EPHA6: variants seen among roughly 807,000 people sequenced by gnomAD.
EPHA6 encodes EPH receptor A6.
A neutral mutation model predicts 112.0 loss-of-function variants in EPHA6; 50 were observed. The observed-to-expected ratio is 0.45, with a 90% confidence interval of 0.36 to 0.56. The LOEUF (loss-of-function observed/expected upper bound fraction) is 0.56, where lower values mean the gene tolerates loss of function less well. EPHA6 is among the 20% of genes least tolerant of loss of function. The pLI, the probability that EPHA6 is intolerant of heterozygous loss-of-function variation, is 0.00. For missense variants in EPHA6, 1,280 were observed against 1,417.4 expected, an observed-to-expected ratio of 0.90 and a Z score of 1.56; for synonymous variants, 529 against 490.7, an observed-to-expected ratio of 1.08 and a Z score of -1.03.
intron 2 of EPHA6, among the ~76,000 whole-genome samples, chr3:96,901,522 A>G (rs1259514870): frequency 1.3e-5 from 2 of 152,106 alleles, no homozygotes; most frequent in Non-Finnish European, 2.9e-5. Context: ...TTGAACTTCC[A>G]GAAAGGGACA....
chr3:97,330,059 A>G (rs1458459180), intron 5 of EPHA6, among the ~76,000 whole-genome samples: 1 of 152,108 alleles, frequency 6.6e-6, no homozygotes, highest in African/African-American at 2.4e-5. Context: ...TCCCAGCACC[A>G]TTTATTAAAT....
chr3:97,548,724 C>A (rs190315586), intron 11 of EPHA6, among the ~76,000 whole-genome samples: 1 of 152,142 alleles, frequency 6.6e-6, no homozygotes, highest in East Asian at 1.9e-4. Context: ...TTCCTTTGTA[C>A]GCAAGCACCC....
At chr3:96,907,994 T>A (rs1009682605) in intron 2 of EPHA6, among the ~76,000 whole-genome samples, 3 of 151,976 alleles carry the variant, frequency 2.0e-5, no homozygotes, top group African/African-American at 7.2e-5. Context: ...CTAGATGGTA[T>A]ACCTGGTACA....
Position 96,817,275 on chromosome 3 carries a change from C to A in EPHA6, c.385+2267C>A, listed in dbSNP as rs533173990. Reference sequence around the variant, plus strand: ...TTTTCCTGATAATAAGTTGAGATAACTTTCAAATATTGAAATCATCACACT... The same window carrying A: ...TTTTCCTGATAATAAGTTGAGATAAATTTCAAATATTGAAATCATCACACT... On this transcript the variant is annotated intron_variant, in intron 1 of 17. Coordinates refer to ENST00000389672, the MANE Select transcript of EPHA6 (RefSeq NM_001080448.3). Among the ~76,000 whole-genome samples the A allele has an allele frequency of 2.6e-5, 4 of 151,976 alleles. No homozygotes were observed. In the East Asian group the frequency reaches 7.7e-4, roughly 29 times the overall value.
intron 3 of EPHA6, among the ~76,000 whole-genome samples, chr3:97,102,790 C>CT (rs946977817): frequency 4.6e-4 from 70 of 150,772 alleles, no homozygotes; most frequent in East Asian, 5.9e-4. Context: ...CATCTGTTAT[C>CT]TTTTTTTTTG....
At chr3:97,695,951 A>G (rs1291946408) in intron 14 of EPHA6, among the ~76,000 whole-genome samples, 4 of 152,210 alleles carry the variant, frequency 2.6e-5, no homozygotes, top group Non-Finnish European at 4.4e-5. Flanking sequence ...ATATAAACTG[A>G]TCACTTTTCT....
At chr3:97,643,944 G>C (rs2107584736) in intron 14 of EPHA6, among the ~76,000 whole-genome samples, 1 of 151,004 alleles carries the variant, frequency 6.6e-6, no homozygotes, top group South Asian at 2.1e-4. Context: ...AGACCTAATA[G>C]ACATCTACAG....
intron 3 of EPHA6, among the ~76,000 whole-genome samples, chr3:97,084,014 C>T (rs2046807228): frequency 6.8e-6 from 1 of 148,004 alleles, no homozygotes; most frequent in South Asian, 2.2e-4. Flanking sequence ...CATGTCAAAC[C>T]CTTAAAATGC....
intron 3 of EPHA6, among the ~76,000 whole-genome samples, chr3:97,160,932 A>G (rs1239380151): frequency 6.6e-6 from 1 of 152,002 alleles, no homozygotes; most frequent in Non-Finnish European, 1.5e-5. Flanking sequence ...TTTTGTTTCA[A>G]CCAAATGTAG....
chr3:97,625,334 A>T (rs963186218), intron 13 of EPHA6, among the ~76,000 whole-genome samples: 2 of 151,724 alleles, frequency 1.3e-5, no homozygotes, highest in African/African-American at 2.4e-5. Flanking sequence ...GTTTATACAC[A>T]AATTTGTGGA....
chr3:97,062,270 A>G (rs1683245401), intron 3 of EPHA6, among the ~76,000 whole-genome samples: 2 of 152,198 alleles, frequency 1.3e-5, no homozygotes, highest in African/African-American at 4.8e-5. Flanking sequence ...GGAAATGTTT[A>G]TATAAAAATT....
intron 10 of EPHA6, among the ~76,000 whole-genome samples, chr3:97,509,277 G>A (rs1427742496): frequency 6.6e-6 from 1 of 151,974 alleles, no homozygotes; most frequent in Non-Finnish European, 1.5e-5. Flanking sequence ...TTTCTTCATA[G>A]TGTCAATGGT....
At chr3:97,014,056 T>C (rs1451847307) in intron 3 of EPHA6, among the ~76,000 whole-genome samples, 1 of 152,176 alleles carries the variant, frequency 6.6e-6, no homozygotes, top group African/African-American at 2.4e-5. Context: ...TATTTATTTA[T>C]ATTTGAACTT....
intron 5 of EPHA6, among the ~76,000 whole-genome samples, chr3:97,305,115 C>T (rs965187225): frequency 1.3e-5 from 2 of 151,940 alleles, no homozygotes; most frequent in African/African-American, 4.8e-5. Flanking sequence ...ATCTGGCCAA[C>T]AAACATCTGA....
chr3:97,002,233 G>A (rs1273845709), intron 3 of EPHA6, among the ~76,000 whole-genome samples: 2 of 151,482 alleles, frequency 1.3e-5, no homozygotes, highest in Non-Finnish European at 2.9e-5. Context: ...ATGACCAGGA[G>A]GACTTTCCTC....
chr3:97,448,649 T>C lies in EPHA6; in HGVS notation c.1813T>C (p.Tyr605His). Residue 605 changes from tyrosine to histidine, a missense_variant, in exon 7 of 18, where the codon TAT (tyrosine) becomes CAT (histidine). Around this residue, in one of 4 missense-constraint regions of EPHA6, gnomAD observed 878 missense variants for 999.7 expected, o/e 0.88. Coordinates refer to ENST00000389672, the MANE Select transcript of EPHA6 (RefSeq NM_001080448.3). ...IITGLKPATK[Y>H]VFHIRVRTAT... ...CACAGGTCTTAAGCCAGCCACCAAA[T>C]ATGTATTTCACATCCGAGTGAGAAC... 6.2e-7 allele frequency: 1 copy of C among 1,613,578 alleles called. No homozygotes were observed. Among genetic ancestry groups the C allele is most frequent in the Non-Finnish European group, 8.5e-7 (1 of 1,179,602 alleles).
Position 97,403,779 on chromosome 3 carries a change from T to C in EPHA6, c.1607-1371T>C, listed in dbSNP as rs543673384. Reference sequence around the variant, plus strand: ...TTATTTTTAATCATTTATAATATTTTTATATTACAAAGTAAATTTGCAAGG... The same window carrying C: ...TTATTTTTAATCATTTATAATATTTCTATATTACAAAGTAAATTTGCAAGG... On this transcript the variant is annotated intron_variant, in intron 5 of 17. Transcript: ENST00000389672. Among the ~76,000 whole-genome samples the C allele has an allele frequency of 8.5e-5, 13 of 152,348 alleles. No homozygotes were observed. The South Asian group carries it at 2.7e-3, about 32-fold the overall frequency.
chr3:97,366,609 G>GTT lies in EPHA6; in HGVS notation c.1607-38531_1607-38530dup, dbSNP rs111677037. ...CATCACCATGGAACACACAATTACT[G>GTT]TTTTTTTTTTTCTCACTTCCCTGTG... On this transcript the variant is annotated intron_variant, in intron 5 of 17. Transcript: ENST00000389672. Among the ~76,000 whole-genome samples, 593 of 146,396 alleles carry GTT rather than the reference G, an allele frequency of 4.1e-3. 3 individuals are homozygous for GTT. Among genetic ancestry groups the GTT allele is most frequent in the African/African-American group, 0.014 (575 of 40,212 alleles).
intron 13 of EPHA6, among the ~76,000 whole-genome samples, chr3:97,621,062 A>G (rs1350478774): frequency 6.6e-6 from 1 of 152,050 alleles, no homozygotes; most frequent in Non-Finnish European, 1.5e-5. Context: ...GTACATATAC[A>G]CCATGGAATA....
Sources: gnomAD v4.1 joint callset for allele counts (sites outside exome capture counted in the v4.1 genomes callset) on GRCh38, gnomAD v4.1.1 for gene constraint, gnomAD v4.1.1 regional missense constraint, MANE v1.5 for transcripts, NCBI Gene and HGNC (gene_info 2026-07-23, HGNC 2026-07-21) for gene names.